C2orf76: variants seen among roughly 807,000 people sequenced by gnomAD.
C2orf76 encodes the protein chromosome 2 open reading frame 76.
In C2orf76, 23 loss-of-function variants were observed where a neutral mutation model predicts 16.9. That is an observed-to-expected ratio of 1.36 (90% CI 0.98 to 1.93). C2orf76 has a LOEUF of 1.93. Among genes scored for constraint, C2orf76 ranks in the 30% most tolerant of loss-of-function variants. The probability of loss-of-function intolerance (pLI) is 0.00; values close to 1 mark genes in which losing one functional copy is unlikely to be tolerated. For synonymous variants in C2orf76, 48 were observed against 52.3 expected (o/e 0.92, Z 0.35); for missense variants, 152 against 152.6 (o/e 1.00, Z 0.02).
the C2orf76 span, among the ~76,000 whole-genome samples, chr2:119,284,924 G>A: frequency 6.6e-6 from 1 of 152,144 alleles, no homozygotes; most frequent in East Asian, 1.9e-4. Flanking sequence ...TCTGGGATGG[G>A]AGACCTTAGG....
At chr2:119,281,314 CCT>C in the C2orf76 span, among the ~76,000 whole-genome samples, 1 of 152,138 alleles carries the variant, frequency 6.6e-6, no homozygotes, top group Non-Finnish European at 1.5e-5. Flanking sequence ...CTGCTGTTCC[CCT>C]CTTTGTGTCC....
chr2:119,359,572 T>C lies in C2orf76; in HGVS notation c.-13+7218A>G, dbSNP rs556866755. The stretch of plus-strand genomic sequence containing the variant: ...CAAAATAGCAACATTAATAGGACTT[T>C]GGAAGGACTCCAACCTTCATGGATG... On this transcript the variant is annotated intron_variant, in intron 1 of 5. Coordinates refer to ENST00000334816, the MANE Select transcript of C2orf76 (RefSeq NM_001322331.2). Among the ~76,000 whole-genome samples, 199 of 152,338 alleles carry C rather than the reference T, an allele frequency of 1.3e-3. 1 individual carries two copies. Among genetic ancestry groups the C allele is most frequent in the African/African-American group, 4.6e-3 (193 of 41,588 alleles).
chr2:119,365,241 C>T (rs1680899119), intron 1 of C2orf76, among the ~76,000 whole-genome samples: 1 of 152,156 alleles, frequency 6.6e-6, no homozygotes, highest in Non-Finnish European at 1.5e-5. Flanking sequence ...CCCACACAAG[C>T]AATAATCTGA....
chr2:119,323,853 T>C (rs1347145851), intron 2 of C2orf76, among the ~76,000 whole-genome samples: 3 of 152,130 alleles, frequency 2.0e-5, no homozygotes, highest in Non-Finnish European at 4.4e-5. Context: ...AAGATTTAAA[T>C]GGCAATGCTA....
chr2:119,335,590 C>T (rs1679822490), intron 2 of C2orf76, among the ~76,000 whole-genome samples: 1 of 152,152 alleles, frequency 6.6e-6, no homozygotes, highest in African/African-American at 2.4e-5. Context: ...ATGGTTTATT[C>T]TAAAGGAAGG....
chr2:119,356,262 G>A (rs770076347), intron 1 of C2orf76, among the ~76,000 whole-genome samples: 1 of 151,976 alleles, frequency 6.6e-6, no homozygotes, highest in Non-Finnish European at 1.5e-5. Flanking sequence ...AATCAGCTGG[G>A]CTTGATGGCA....
intron 5 of C2orf76, 125 bp downstream of exon 5, chr2:119,311,497 C>T (rs1024152670): frequency 7.6e-6 from 11 of 1,447,020 alleles, no homozygotes; most frequent in African/African-American, 1.4e-5. Context: ...GAACAGTTAC[C>T]GGGCAGTGTC....
intron 1 of C2orf76, among the ~76,000 whole-genome samples, chr2:119,353,395 T>TA (rs1680464872): frequency 6.6e-6 from 1 of 152,168 alleles, no homozygotes; most frequent in South Asian, 2.1e-4. Flanking sequence ...TGACTAAAAG[T>TA]AAAATGTTAA....
chr2:119,324,313 C>A (rs548196200), intron 2 of C2orf76, among the ~76,000 whole-genome samples: 157 of 152,322 alleles, frequency 1.0e-3, no homozygotes, highest in African/African-American at 3.7e-3. Flanking sequence ...AACTGAAGTG[C>A]CATCTCCTCT....
intron 5 of C2orf76, among the ~76,000 whole-genome samples, chr2:119,304,244 G>A (rs1573615477): frequency 1.3e-5 from 2 of 152,214 alleles, no homozygotes; most frequent in East Asian, 3.8e-4. Context: ...AATAATCACA[G>A]AGCAAGGTTT....
At chr2:119,352,179 T>C (rs1032917731) in intron 1 of C2orf76, among the ~76,000 whole-genome samples, 1 of 152,252 alleles carries the variant, frequency 6.6e-6, no homozygotes, top group African/African-American at 2.4e-5. Flanking sequence ...ATTATGCTTA[T>C]GACCAGAATT....
chr2:119,342,605 C>T (rs761830088), intron 1 of C2orf76, among the ~76,000 whole-genome samples: 3 of 149,296 alleles, frequency 2.0e-5, no homozygotes, highest in Non-Finnish European at 3.0e-5. Flanking sequence ...GAGCAAGACT[C>T]GGTCTCAAAA....
chr2:119,319,522 T>C (rs1274710685), intron 3 of C2orf76, among the ~76,000 whole-genome samples: 1 of 152,212 alleles, frequency 6.6e-6, no homozygotes, highest in Non-Finnish European at 1.5e-5. Flanking sequence ...TCATCTTGTA[T>C]TTGTGGAGCA....
chr2:119,296,022 T>A, the C2orf76 span, among the ~76,000 whole-genome samples: 1 of 152,204 alleles, frequency 6.6e-6, no homozygotes, highest in Non-Finnish European at 1.5e-5. Context: ...TAGCCCAAAA[T>A]GCACATTTGG....
At chr2:119,366,253 T>A (rs1573706120) in intron 1 of C2orf76, 1 of 371,962 alleles carries the variant, frequency 2.7e-6, no homozygotes, top group African/African-American at 2.1e-5. Flanking sequence ...CCAACAGGAG[T>A]TCAATAAACA....
In C2orf76 at chr2:119,306,107, C is replaced by T. The variant is rs565983740; in HGVS notation, c.305-3559G>A. ...TTTCCTGGGTCCGACACCCACATTA[C>T]CGAGTAACCAGATTATCACTGTTTC... is the stretch of plus-strand genomic sequence containing the variant. On this transcript the variant is annotated intron_variant, in intron 5 of 5. Coordinates refer to ENST00000334816, the MANE Select transcript of C2orf76 (RefSeq NM_001322331.2). Among the ~76,000 whole-genome samples, 6 of 152,288 alleles carry T rather than the reference C, an allele frequency of 3.9e-5. No homozygotes were observed. In the South Asian group the frequency reaches 1.2e-3, roughly 32 times the overall value.
the C2orf76 span, among the ~76,000 whole-genome samples, chr2:119,292,152 A>G: frequency 6.6e-6 from 1 of 152,170 alleles, no homozygotes; most frequent in Non-Finnish European, 1.5e-5. Context: ...AAATGTCACC[A>G]CAAGTTCACT....
chr2:119,362,183 C>T (rs906304875), intron 1 of C2orf76, among the ~76,000 whole-genome samples: 2 of 152,182 alleles, frequency 1.3e-5, no homozygotes, highest in East Asian at 1.9e-4. Flanking sequence ...ATTCTAGTAA[C>T]ATTCTTTTCT....
At chr2:119,282,537 T>C in the C2orf76 span, among the ~76,000 whole-genome samples, 1 of 152,154 alleles carries the variant, frequency 6.6e-6, no homozygotes, top group African/African-American at 2.4e-5. Flanking sequence ...GCTGGAGGGA[T>C]GGGTAAGAGA....
Sources: gnomAD v4.1 joint callset for allele counts (sites outside exome capture counted in the v4.1 genomes callset) on GRCh38, gnomAD v4.1.1 for gene constraint, MANE v1.5 for transcripts, NCBI Gene and HGNC (gene_info 2026-07-23, HGNC 2026-07-21) for gene names.